Variants in STAG2 observed in about 807,000 individuals in gnomAD.
The protein encoded by STAG2 is cohesin subunit SA-2.
A neutral mutation model predicts 108.1 loss-of-function variants in STAG2; 14 were observed. The ratio of observed to expected loss-of-function variants is 0.13; its 90% CI spans 0.09 to 0.20. STAG2 has a LOEUF of 0.20. Ranked by LOEUF, STAG2 falls within the 10% of genes least tolerant of loss-of-function variation. STAG2 has a pLI of 1.00. For synonymous variants in STAG2, 307 were observed against 302.7 expected, an observed-to-expected ratio of 1.01 and a Z score of -0.15; for missense variants, 440 against 940.9, an observed-to-expected ratio of 0.47 and a Z score of 6.96.
At chrX:123,975,923 C>T in intron 1 of STAG2, among the ~76,000 whole-genome samples, 1 of 112,077 alleles carries the variant, frequency 8.9e-6, no homozygotes, top group Admixed American at 9.5e-5. Flanking sequence ...TAGAAAAGTT[C>T]CTATAGTAGG....
chrX:124,073,279 C>T (rs1032023270), intron 25 of STAG2, among the ~76,000 whole-genome samples: 8 of 111,481 alleles, frequency 7.2e-5, no homozygotes, highest in Non-Finnish European at 9.4e-5. Context: ...AGTACATAAC[C>T]GTTTTGTTAA....
chrX:124,032,614 G>GTC (rs2057382284), intron 5 of STAG2, among the ~76,000 whole-genome samples: 1 of 110,782 alleles, frequency 9.0e-6, no homozygotes, highest in African/African-American at 3.3e-5. Flanking sequence ...AGTCCGCAGT[G>GTC]TCTATGTTTT....
intron 34 of STAG2, among the ~76,000 whole-genome samples, chrX:124,099,241 AG>A (rs1170127535): frequency 8.9e-6 from 1 of 112,128 alleles, no homozygotes; most frequent in Non-Finnish European, 1.9e-5. Context: ...CTGTTTGGAA[AG>A]AACTTGAGTT....
At chrX:124,092,709 AAAATACTTC>A (rs1393605240) in intron 32 of STAG2, among the ~76,000 whole-genome samples, 4 of 112,233 alleles carry the variant, frequency 3.6e-5, no homozygotes, top group Non-Finnish European at 7.5e-5. Flanking sequence ...CCTATAACTA[AAAATACTTC>A]CAAATTTTCT....
intron 1 of STAG2, among the ~76,000 whole-genome samples, chrX:124,018,100 T>A (rs1385892668): frequency 8.9e-6 from 1 of 111,892 alleles, no homozygotes; most frequent in Non-Finnish European, 1.9e-5. Context: ...AAATAGTGAT[T>A]GAGACTTAAT....
At chrX:124,029,166 G>T (rs1200801616) in intron 4 of STAG2, among the ~76,000 whole-genome samples, 5 of 106,989 alleles carry the variant, frequency 4.7e-5, no homozygotes, top group Admixed American at 2.0e-4. Flanking sequence ...GCAGGTGCCT[G>T]CCACCACGCC....
In STAG2 at chrX:124,031,025, C is replaced by T. The variant is rs2057317187; in HGVS notation, c.188C>T (p.Pro63Leu). The T allele has an allele frequency of 8.3e-7, 1 of 1,208,581 alleles. No homozygotes were observed. ...KGKGGNGGGK[P>L]PSGPNRMNGH... ...AAAGGTGGAAATGGAGGAGGAAAACCTCCTTCTGGTCCAAACCGAATGAAT... is the reference window on the plus strand; with the variant it reads ...AAAGGTGGAAATGGAGGAGGAAAACTTCCTTCTGGTCCAAACCGAATGAAT... Residue 63 changes from proline to leucine, a missense_variant, in exon 5 of 35, where the codon CCT becomes CTT. Physicochemically the swap from Pro to Leu is moderately conservative, Grantham distance 98. Around this residue, in one of 3 missense-constraint regions of STAG2, gnomAD observed 69 missense variants for 254.9 expected, o/e 0.27. Coordinates refer to ENST00000371145, the MANE Select transcript of STAG2 (RefSeq NM_001042750.2).
chrX:124,080,271 C>G (rs991440790), intron 27 of STAG2, among the ~76,000 whole-genome samples: 2 of 111,291 alleles, frequency 1.8e-5, no homozygotes, highest in East Asian at 5.6e-4. Context: ...AAGTCTCAGC[C>G]TCCCCCAACC....
chrX:124,100,659 G>A lies in STAG2; in HGVS notation c.*62G>A. The A allele has an allele frequency of 1.1e-6, 1 of 949,199 alleles. No individual in the cohort carries two copies. The highest frequency in any genetic ancestry group is 1.5e-6 in the Non-Finnish European group (1 of 661,956). 78.2% of individuals were successfully genotyped at this position (949,199 alleles called of 1,213,427 possible). A position where few individuals can be genotyped will look rare whatever the true frequency, so the allele number is the denominator to read the frequency against. ...TCTAAGTGGAAGAGGAAATTTTAAAGTGTGGTAGATACAGTGAAATTCTGT... is the reference window on the plus strand; with the variant it reads ...TCTAAGTGGAAGAGGAAATTTTAAAATGTGGTAGATACAGTGAAATTCTGT... On this transcript the variant is annotated 3_prime_UTR_variant, in exon 35 of 35. Coordinates refer to ENST00000371145, the MANE Select transcript of STAG2 (RefSeq NM_001042750.2).
rs182238689 is a variant in STAG2 at position 124,036,715 on chromosome X, C to T, written c.289-812C>T. On this transcript the variant is annotated intron_variant, in intron 5 of 34. Coordinates refer to ENST00000371145, the MANE Select transcript of STAG2 (RefSeq NM_001042750.2). The stretch of plus-strand genomic sequence containing the variant: ...ATCAGTTTTGTCGTTGCCTCTCTTG[C>T]CCCGAAAGGAATAAAGTATTCCTTT... Among the ~76,000 whole-genome samples, 716 of 110,694 alleles carry T rather than the reference C, an allele frequency of 6.5e-3. 5 individuals are homozygous for T. Among genetic ancestry groups the T allele is most frequent in the African/African-American group, 0.022 (674 of 30,464 alleles).
At chrX:124,006,154 T>G (rs1377852706) in intron 1 of STAG2, among the ~76,000 whole-genome samples, 1 of 111,619 alleles carries the variant, frequency 9.0e-6, no homozygotes, top group Non-Finnish European at 1.9e-5. Context: ...TATGAATGTT[T>G]GGGAGACACA....
intron 19 of STAG2, among the ~76,000 whole-genome samples, chrX:124,063,495 G>A (rs756804503): frequency 1.2e-3 from 135 of 110,966 alleles, no homozygotes; most frequent in African/African-American, 4.3e-3. Flanking sequence ...AGATGAGATT[G>A]GGCTCATTCA....
At chrX:124,042,777 C>T (rs775698346) in intron 7 of STAG2, 132 bp downstream of exon 7, 12 of 462,542 alleles carry the variant, frequency 2.6e-5, no homozygotes, top group South Asian at 3.7e-5. Context: ...TTTCAGAGGC[C>T]GAGGCAGGCG....
At chrX:123,983,485 A>AT (rs1470726410) in intron 1 of STAG2, among the ~76,000 whole-genome samples, 2 of 109,853 alleles carry the variant, frequency 1.8e-5, no homozygotes, top group African/African-American at 6.6e-5. Flanking sequence ...AAGAGCCCAG[A>AT]TTTTTTTTTC....
At chrX:124,059,180 G>A (rs963016213) in intron 15 of STAG2, among the ~76,000 whole-genome samples, 2 of 111,638 alleles carry the variant, frequency 1.8e-5, no homozygotes, top group African/African-American at 6.5e-5. Flanking sequence ...ATCCAGGCAT[G>A]GTGGTGCATG....
intron 5 of STAG2, among the ~76,000 whole-genome samples, chrX:124,033,822 T>A (rs1313024175): frequency 8.9e-5 from 10 of 111,809 alleles, no homozygotes; most frequent in Non-Finnish European, 1.3e-4. Context: ...AAACAGAAAT[T>A]TATTTCTTAC....
chrX:123,994,036 A>G (rs2055608258), intron 1 of STAG2, among the ~76,000 whole-genome samples: 1 of 111,795 alleles, frequency 8.9e-6, no homozygotes. Context: ...TAATTTATAA[A>G]CAAAAGAGGT....
chrX:124,057,578 A>C (rs993724533), intron 14 of STAG2, among the ~76,000 whole-genome samples: 2 of 112,546 alleles, frequency 1.8e-5, no homozygotes, highest in South Asian at 3.6e-4. Context: ...ATGGAAGGCA[A>C]CAGTTATATA....
intron 1 of STAG2, among the ~76,000 whole-genome samples, chrX:123,996,608 T>G (rs897763016): frequency 8.9e-6 from 1 of 111,802 alleles, no homozygotes; most frequent in Non-Finnish European, 1.9e-5. Flanking sequence ...TATGTTTTTT[T>G]TGCTCTTTCC....
Sources: gnomAD v4.1 joint callset for allele counts (sites outside exome capture counted in the v4.1 genomes callset) on GRCh38, gnomAD v4.1.1 for gene constraint, gnomAD v4.1.1 regional missense constraint, MANE v1.5 for transcripts, NCBI Gene and HGNC (gene_info 2026-07-23, HGNC 2026-07-21) for gene names.